The following SYCP2 variants were observed in gnomAD, a reference collection of about 807,000 sequenced individuals.
SYCP2 encodes synaptonemal complex protein 2, also known as synaptonemal complex lateral element protein.
SYCP2 carries 55 observed loss-of-function variants against 211.3 expected under a neutral mutation model. The observed-to-expected ratio is 0.26, with a 90% confidence interval of 0.21 to 0.33. The LOEUF (loss-of-function observed/expected upper bound fraction) is 0.33, where lower values mean the gene tolerates loss of function less well. SYCP2 is among the 10% of genes least tolerant of loss of function. The probability of loss-of-function intolerance (pLI) is 1.00; values close to 1 mark genes in which losing one functional copy is unlikely to be tolerated. For missense variants in SYCP2, 1,731 were observed against 1,752.0 expected, an observed-to-expected ratio of 0.99 and a Z score of 0.21; for synonymous variants, 570 against 555.2, an observed-to-expected ratio of 1.03 and a Z score of -0.37.
rs916454013 is a variant in SYCP2, at chr20:59,864,099, T to C, written c.*212A>G. The C allele has an allele frequency of 2.1e-4, 72 of 337,944 alleles. No homozygotes were observed. Among genetic ancestry groups the C allele is most frequent in the African/African-American group, 1.4e-3 (64 of 46,948 alleles). 20.9% of individuals were successfully genotyped at this position (337,944 alleles called of 1,614,324 possible). A position where few individuals can be genotyped will look rare whatever the true frequency, so the allele number is the denominator to read the frequency against. ...TTATCTCCAAAATTAAAAAAAAATA[T>C]TGTATAGACAGAAGTCTTCTGGGCT... On this transcript the variant is annotated 3_prime_UTR_variant, in exon 45 of 45. Coordinates refer to ENST00000357552, the MANE Select transcript of SYCP2 (RefSeq NM_014258.4).
Position 59,868,876 on chromosome 20 carries a change from T to C in SYCP2, c.3791A>G (p.Lys1264Arg). The change falls in exon 37 of 45, where the codon AAA becomes AGA. Residue 1264 changes from lysine to arginine, a missense_variant. Coordinates refer to ENST00000357552, the MANE Select transcript of SYCP2 (RefSeq NM_014258.4). ...SLSKSSEGRE[K>R]TWFDMPCDAT... ...ATCACAGGGCATGTCAAACCACGTT[T>C]TCTCTCTTCCTTCACTAGACTTGGA... 6.2e-7 allele frequency: 1 copy of C among 1,610,348 alleles called. No homozygotes were observed. The highest frequency in any genetic ancestry group is 8.5e-7 in the Non-Finnish European group (1 of 1,177,864).
At position 59,896,309 on chromosome 20, in the gene SYCP2, T is replaced by C. The variant is rs985171056; in HGVS notation, c.1504+120A>G. ...ATTAGAAGACATTTGTGGTTCATAT[T>C]TTATCAATTTTTATACACCAAACTT... On this transcript the variant is annotated intron_variant, in intron 19 of 44. Coordinates refer to ENST00000357552, the MANE Select transcript of SYCP2 (RefSeq NM_014258.4). The C allele has an allele frequency of 1.2e-5, 7 of 578,864 alleles. No homozygotes were observed. In the Admixed American group the frequency reaches 1.3e-4, roughly 11 times the overall value. The allele number at this position is 578,864 out of a possible 1,614,324, so 35.9% of individuals were successfully genotyped here.
chr20:59,875,251 A>C lies in SYCP2; in HGVS notation c.3349+20T>G. The C allele has an allele frequency of 6.6e-7, 1 of 1,523,362 alleles. No homozygotes were observed. Among genetic ancestry groups the C allele is most frequent in the South Asian group, 1.3e-5 (1 of 79,352 alleles). The allele number at this position is 1,523,362 out of a possible 1,614,324, so 94.4% of individuals were successfully genotyped here. The stretch of plus-strand genomic sequence containing the variant: ...AAACTATTGAATATTCAAGTAAAGA[A>C]AAAACAAAGTTATACTGACATCTCG... On this transcript the variant is annotated intron_variant, in intron 34 of 44. Transcript: ENST00000357552.
chr20:59,872,209 A>G (rs1301992848), intron 35 of SYCP2, among the ~76,000 whole-genome samples: 2 of 152,034 alleles, frequency 1.3e-5, no homozygotes, highest in Admixed American at 6.6e-5. Flanking sequence ...GCCCAAAAAT[A>G]TTAAATGGAA....
Position 59,878,022 on chromosome 20 carries a change from G to A in SYCP2, c.2965C>T (p.Pro989Ser). ...TCTTGGCTTACCATTTTAGAGCTTG[G>A]CTGTCCCTTTTCCAAGGATGATCCT... ...KSRSSLEKGQPSSKMTPSKNI... is the reference protein window; with the variant it reads ...KSRSSLEKGQSSSKMTPSKNI... Residue 989 changes from proline (P) to serine (S), a missense_variant, in exon 32 of 45, where the codon CCA (proline) becomes TCA (serine). Coordinates refer to ENST00000357552, the MANE Select transcript of SYCP2 (RefSeq NM_014258.4). The A allele has an allele frequency of 6.2e-7, 1 of 1,606,126 alleles. No individual in the cohort carries two copies. The highest frequency in any genetic ancestry group is 8.5e-7 in the Non-Finnish European group (1 of 1,175,762).
rs139419328 is a variant in SYCP2 at position 59,892,092 on chromosome 20, G to C, written c.2262C>G (p.Cys754Trp). 2.0e-5 allele frequency: 32 copies of C among 1,610,590 alleles called. No individual in the cohort carries two copies. Among genetic ancestry groups the C allele is most frequent in the Non-Finnish European group, 2.5e-5 (30 of 1,178,348 alleles). Residue 754 changes from cysteine to tryptophan, a missense_variant, in exon 24 of 45, where the codon TGC becomes TGG. This residue lies in a region of SYCP2 where 1,387 missense variants were observed against 1,351.3 expected (regional missense o/e 1.03). Coordinates refer to ENST00000357552, the MANE Select transcript of SYCP2 (RefSeq NM_014258.4). ...ILSKDVNTAT[C>W]DKNPSASKNV... ...TTTTGCTAGCAGATGGATTTTTATC[G>C]CAAGTAGCAGTATTCACATCTTTTG...
rs984272717 is a variant in SYCP2 at position 59,880,960 on chromosome 20, A to G, written c.2772+6T>C. On this transcript the variant is annotated splice_donor_region_variant and intron_variant, in intron 30 of 44. Coordinates refer to ENST00000357552, the MANE Select transcript of SYCP2 (RefSeq NM_014258.4). ...CTAATAGACATATTGAGATATTATA[A>G]CTTACTTTTTTATCTTTTGTTTTGA... 5 of 1,382,000 alleles carry G rather than the reference A, an allele frequency of 3.6e-6. No homozygotes were observed. Among genetic ancestry groups the G allele is most frequent in the Non-Finnish European group, 5.0e-6 (5 of 997,684 alleles). 85.6% of individuals were successfully genotyped at this position (1,382,000 alleles called of 1,614,324 possible).
At chr20:59,881,766 TAAA>T (rs372383595) in intron 28 of SYCP2, among the ~76,000 whole-genome samples, 176 bp downstream of exon 28, 1 of 134,798 alleles carries the variant, frequency 7.4e-6, no homozygotes, top group African/African-American at 2.7e-5. Context: ...AACAAAAATT[TAAA>T]AAAAAAAAAA....
rs898094574 is a variant in SYCP2, at chr20:59,877,453, G to A, written c.3082C>T (p.Leu1028Phe). 3 of 1,605,078 alleles carry A rather than the reference G, an allele frequency of 1.9e-6. No individual in the cohort carries two copies. The highest frequency in any genetic ancestry group is 2.5e-6 in the Non-Finnish European group (3 of 1,177,656). The change falls in exon 33 of 45, where the codon CTC becomes TTC. Residue 1028 changes from leucine to phenylalanine, a missense_variant. Transcript: ENST00000357552. The stretch of plus-strand genomic sequence containing the variant: ...TCACACTCTGATTCTGAATTTGAGA[G>A]ATCTTTATAGTTTTTTTTTGTTTTG... Reference protein sequence around the residue: ...ATKTKKNYKDLSNSESECEQE... With the variant: ...ATKTKKNYKDFSNSESECEQE...
intron 26 of SYCP2, among the ~76,000 whole-genome samples, 187 bp downstream of exon 26, chr20:59,885,741 T>G (rs1180147944): frequency 1.3e-5 from 2 of 152,156 alleles, no homozygotes; most frequent in East Asian, 3.9e-4. Flanking sequence ...GCTTTTTATT[T>G]GAAAAACAGA....
chr20:59,876,253 C>T (rs1339002903), intron 33 of SYCP2, among the ~76,000 whole-genome samples: 1 of 150,850 alleles, frequency 6.6e-6, no homozygotes, highest in Non-Finnish European at 1.5e-5. Flanking sequence ...CGCCTGTAGT[C>T]CCAGCTACTA....
At position 59,875,485 on chromosome 20, in the gene SYCP2, A is replaced by G; in HGVS notation, c.3151-16T>C. The G allele has an allele frequency of 6.3e-7, 1 of 1,581,378 alleles. No individual in the cohort carries two copies. The highest frequency in any genetic ancestry group is 8.6e-7 in the Non-Finnish European group (1 of 1,160,028). ...TATTCTCCTCCTAAATGTATCAATAACTTTCAAATTATACTCAAGTACAAA... is the reference window on the plus strand; with the variant it reads ...TATTCTCCTCCTAAATGTATCAATAGCTTTCAAATTATACTCAAGTACAAA... On this transcript the variant is annotated splice_polypyrimidine_tract_variant and intron_variant, in intron 33 of 44. Transcript: ENST00000357552.
At chr20:59,910,740 T>G (rs1168491634) in intron 14 of SYCP2, among the ~76,000 whole-genome samples, 2 of 151,196 alleles carry the variant, frequency 1.3e-5, no homozygotes, top group East Asian at 3.9e-4. Flanking sequence ...GCAAAAGTAA[T>G]TGCAGTTTCT....
In SYCP2 at chr20:59,920,346, A is replaced by G. The variant is rs376347323; in HGVS notation, c.297+13T>C. On this transcript the variant is annotated intron_variant, in intron 5 of 44. Transcript: ENST00000357552. ...TTTCATTCACATGAATATGTTACAT[A>G]TTCTATACTTATCTTTTGTATTAGT... is the stretch of plus-strand genomic sequence containing the variant. 1.1e-5 allele frequency: 17 copies of G among 1,586,210 alleles called. No homozygotes were observed. The highest frequency in any genetic ancestry group is 1.5e-5 in the Non-Finnish European group (17 of 1,160,754).
chr20:59,873,964 T>C lies in SYCP2; in HGVS notation c.3447A>G (p.Leu1149=). 1 of 1,613,306 alleles carries C rather than the reference T, an allele frequency of 6.2e-7. No homozygotes were observed. Among genetic ancestry groups the C allele is most frequent in the African/African-American group, 1.3e-5 (1 of 75,006 alleles). Residue 1149 remains leucine, a synonymous_variant, in exon 35 of 45, where the codon TTA becomes TTG. Transcript: ENST00000357552. Reference sequence around the variant, plus strand: ...TACCTCCAACTCCACTGTTACTATTTAAGGATTCAAGTGATGAAGTTTTTG... The same window carrying C: ...TACCTCCAACTCCACTGTTACTATTCAAGGATTCAAGTGATGAAGTTTTTG... ...PYPKTSSLES[L]NSNSGVGGTI...
intron 24 of SYCP2, among the ~76,000 whole-genome samples, chr20:59,891,531 A>G (rs2059904696): frequency 6.6e-6 from 1 of 151,996 alleles, no homozygotes; most frequent in Non-Finnish European, 1.5e-5. Context: ...TGTCAAGGTT[A>G]AATGCATTCA....
rs1383749072 is a variant in SYCP2 at position 59,875,385 on chromosome 20, G to A, written c.3235C>T (p.Leu1079=). The change falls in exon 34 of 45, where the codon CTA becomes TTA. Residue 1079 remains leucine (L), a synonymous_variant. Transcript: ENST00000357552. ...KVFCAETEKE[L]SKQWKNSSLL... Reference sequence around the variant, plus strand: ...GATGAGTTTTTCCATTGTTTTGATAGTTCCTTTTCTGTTTCAGCACAGAAG... The same window carrying A: ...GATGAGTTTTTCCATTGTTTTGATAATTCCTTTTCTGTTTCAGCACAGAAG... 1.2e-6 allele frequency: 2 copies of A among 1,612,718 alleles called. No homozygotes were observed. Among genetic ancestry groups the A allele is most frequent in the Non-Finnish European group, 8.5e-7 (1 of 1,179,352 alleles).
At chr20:59,907,640 G>T (rs1052143355) in intron 14 of SYCP2, among the ~76,000 whole-genome samples, 14 of 151,984 alleles carry the variant, frequency 9.2e-5, no homozygotes, top group Non-Finnish European at 2.1e-4. Context: ...TGATGATTTT[G>T]ACAATTTTCT....
At position 59,919,140 on chromosome 20, in the gene SYCP2, A is replaced by G; in HGVS notation, c.427+18T>C. 1.6e-6 allele frequency: 2 copies of G among 1,233,990 alleles called. No individual in the cohort carries two copies. The highest frequency in any genetic ancestry group is 2.3e-6 in the Non-Finnish European group (2 of 863,342). The allele number at this position is 1,233,990 out of a possible 1,614,324, so 76.4% of individuals were successfully genotyped here. A position where few individuals can be genotyped will look rare whatever the true frequency, so the allele number is the denominator to read the frequency against. On this transcript the variant is annotated intron_variant, in intron 7 of 44. Transcript: ENST00000357552. ...AGTAAAATTTATTGTTCCAATAGAA[A>G]ATAAGTGTTTATTATACCTTCATCA...
Sources: gnomAD v4.1 joint callset for allele counts (sites outside exome capture counted in the v4.1 genomes callset) on GRCh38, gnomAD v4.1.1 for gene constraint, gnomAD v4.1.1 regional missense constraint, MANE v1.5 for transcripts, NCBI Gene and HGNC (gene_info 2026-07-23, HGNC 2026-07-21) for gene names.